The following ATMIN variants were observed in gnomAD, a reference collection of about 807,000 sequenced individuals.
The protein encoded by ATMIN is ATM interactor, also known as ATM INteracting protein.
Under a neutral mutation model 49.2 loss-of-function variants are expected in ATMIN, and 24 were observed. The observed-to-expected ratio is 0.49, with a 90% confidence interval of 0.35 to 0.69. The LOEUF is 0.69. Ranked by LOEUF, ATMIN falls within the 30% of genes least tolerant of loss-of-function variation. The pLI is 0.00. For missense variants in ATMIN, 1,037 were observed against 1,005.5 expected (o/e 1.03, Z -0.42); for synonymous variants, 450 against 392.5 (o/e 1.15, Z -1.73).
rs772980713 is a variant in ATMIN at position 81,044,912 on chromosome 16, A to C, written c.2414A>C (p.Gln805Pro). 8.7e-6 allele frequency: 14 copies of C among 1,614,124 alleles called. No homozygotes were observed. The highest frequency in any genetic ancestry group is 1.2e-5 in the Non-Finnish European group (14 of 1,179,962). ...CTGGCCTGGAACACGATGGAGTCTC[A>C]GTTCAGCTCTGTAGAAACCCAGACT... is the stretch of plus-strand genomic sequence containing the variant. The part of the protein sequence containing the change: ...ADLAWNTMES[Q>P]FSSVETQTSA... The change falls in exon 4 of 4, where the codon CAG becomes CCG. Residue 805 changes from glutamine (Q) to proline (P), a missense_variant. Physicochemically the swap from Gln to Pro is moderately conservative, Grantham distance 76. Coordinates refer to ENST00000299575, the MANE Select transcript of ATMIN (RefSeq NM_015251.3).
intron 1 of ATMIN, among the ~76,000 whole-genome samples, chr16:81,036,824 C>T (rs1970945219): frequency 6.6e-6 from 1 of 152,146 alleles, no homozygotes; most frequent in Admixed American, 6.5e-5. Context: ...CCATGCTGCA[C>T]ACCGCACCCC....
intron 3 of ATMIN, 92 bp downstream of exon 3, chr16:81,042,572 A>G (rs2151739987): frequency 7.6e-7 from 1 of 1,319,404 alleles, no homozygotes; most frequent in Admixed American, 2.3e-5. Context: ...TGGGGAGGAA[A>G]AAGGAATCTT....
At chr16:81,039,253 C>T (rs1022150666) in intron 1 of ATMIN, among the ~76,000 whole-genome samples, 3 of 152,142 alleles carry the variant, frequency 2.0e-5, no homozygotes, top group South Asian at 4.1e-4. Context: ...ATCTTATTGG[C>T]AGGTTTTCTT....
intron 2 of ATMIN, 102 bp from the exon 3 acceptor site, chr16:81,042,179 A>G: frequency 3.0e-6 from 3 of 997,646 alleles, no homozygotes; most frequent in Non-Finnish European, 4.6e-6. Context: ...TGTTATTTAT[A>G]TTAATAGTGT....
At chr16:81,036,239 C>T in intron 1 of ATMIN, 33 bp downstream of exon 1, 1 of 1,337,948 alleles carries the variant, frequency 7.5e-7, no homozygotes, top group Non-Finnish European at 9.7e-7. Flanking sequence ...CCCGGGGGGC[C>T]GGGCCTGGCT....
In ATMIN at chr16:81,042,418, C is replaced by T; in HGVS notation, c.600C>T (p.Ala200=). 2 of 1,614,138 alleles carry T rather than the reference C, an allele frequency of 1.2e-6. No individual in the cohort carries two copies. Among genetic ancestry groups the T allele is most frequent in the Non-Finnish European group, 1.7e-6 (2 of 1,180,028 alleles). Residue 200 remains alanine (A), a synonymous_variant, in exon 3 of 4, where the codon GCC becomes GCT. Coordinates refer to ENST00000299575, the MANE Select transcript of ATMIN (RefSeq NM_015251.3). The stretch of plus-strand genomic sequence containing the variant: ...GGTGCACATGCGGCTGTCCCTACGC[C>T]AGTAGAACAGCACTGCAGTCTCACA... The part of the protein sequence containing the change: ...TFRCTCGCPY[A]SRTALQSHIY...
intron 3 of ATMIN, among the ~76,000 whole-genome samples, chr16:81,042,955 T>G (rs1458371687): frequency 6.6e-6 from 1 of 152,170 alleles, no homozygotes; most frequent in Non-Finnish European, 1.5e-5. Context: ...GTATGTTTCC[T>G]CCTTCTCTGT....
At chr16:81,037,484 A>C in intron 1 of ATMIN, 2 of 985,480 alleles carry the variant, frequency 2.0e-6, no homozygotes, top group Non-Finnish European at 1.2e-6. Flanking sequence ...AGGTATGCTG[A>C]GGAAGACCGT....
In ATMIN at chr16:81,044,489, T is replaced by A; in HGVS notation, c.1991T>A (p.Val664Asp). Residue 664 changes from valine (V) to aspartate (D), a missense_variant, in exon 4 of 4, where the codon GTC becomes GAC. By Grantham distance (152) the Val-to-Asp change is radical. Transcript: ENST00000299575. ...CTTAGCACCATGACCACCGAGCCAG[T>A]CTTGGAGTCACTGGACATAGAGACT... ...SELSTMTTEP[V>D]LESLDIETQT... is the part of the protein sequence containing the mutation. 5 of 1,613,714 alleles carry A rather than the reference T, an allele frequency of 3.1e-6. No homozygotes were observed. Among genetic ancestry groups the A allele is most frequent in the Non-Finnish European group, 4.2e-6 (5 of 1,179,932 alleles).
Position 81,036,135 on chromosome 16 carries a change from CGCGGCT to C in ATMIN, c.271_276del (p.Cys91_Gly92del). On this transcript the variant is annotated inframe_deletion, in exon 1 of 4. Coordinates refer to ENST00000299575, the MANE Select transcript of ATMIN (RefSeq NM_015251.3). ...GCGGACCAACATCCTGTGCACCGTG[CGCGGCT>C]GCGGCAAGATCCTGCCCAACAGCCC... 6.8e-7 allele frequency: 1 copy of C among 1,463,378 alleles called. No individual in the cohort carries two copies. Among genetic ancestry groups the C allele is most frequent in the Non-Finnish European group, 9.1e-7 (1 of 1,100,012 alleles). 90.6% of individuals were successfully genotyped at this position (1,463,378 alleles called of 1,614,324 possible).
intron 1 of ATMIN, 69 bp from the exon 2 acceptor site, chr16:81,041,287 T>A: frequency 6.6e-7 from 1 of 1,506,480 alleles, no homozygotes. Flanking sequence ...TTTCAGTCAT[T>A]CCGTTTCCAC....
chr16:81,047,274 T>C lies in ATMIN; in HGVS notation c.*2304T>C, dbSNP rs1971137749. 6.6e-6 allele frequency: 1 copy of C among 152,252 alleles called. No individual in the cohort carries two copies. The highest frequency in any genetic ancestry group is 6.5e-5 in the Admixed American group (1 of 15,286). 9.4% of individuals were successfully genotyped at this position (152,252 alleles called of 1,614,324 possible). The stretch of plus-strand genomic sequence containing the variant: ...GAATTCTTGAACGTACTCATAAATA[T>C]GACTTATTGTATTGCCTTAAGTTTT... On this transcript the variant is annotated 3_prime_UTR_variant, in exon 4 of 4. Coordinates refer to ENST00000299575, the MANE Select transcript of ATMIN (RefSeq NM_015251.3).
chr16:81,037,092 A>G (rs2602431), intron 1 of ATMIN: 655,632 of 778,564 alleles, frequency 0.84, 280,940 homozygotes, highest in South Asian at 0.88. Context: ...CATCTGTGAC[A>G]AGCTTATTAA....
intron 1 of ATMIN, among the ~76,000 whole-genome samples, chr16:81,038,252 T>C (rs972517407): frequency 6.6e-5 from 10 of 152,082 alleles, no homozygotes; most frequent in Non-Finnish European, 1.2e-4. Context: ...TGCCTCAGCC[T>C]CCCTAGTAGC....
chr16:81,038,948 A>G (rs2151737921), intron 1 of ATMIN, among the ~76,000 whole-genome samples: 1 of 152,180 alleles, frequency 6.6e-6, no homozygotes, highest in Middle Eastern at 3.4e-3. Context: ...GGCATGCTCC[A>G]CCACGCCCGA....
chr16:81,036,270 G>T (rs923082489), intron 1 of ATMIN, 64 bp downstream of exon 1: 2 of 1,166,128 alleles, frequency 1.7e-6, no homozygotes, highest in African/African-American at 1.6e-5. Context: ...GCCCGGCGCC[G>T]GCGCGCGAAG....
chr16:81,036,700 C>G (rs1970942769), intron 1 of ATMIN, among the ~76,000 whole-genome samples: 2 of 152,120 alleles, frequency 1.3e-5, no homozygotes. Flanking sequence ...CTGTATGTGC[C>G]ACAATAACTA....
chr16:81,044,181 A>G lies in ATMIN; in HGVS notation c.1683A>G (p.Lys561=). The G allele has an allele frequency of 6.2e-7, 1 of 1,614,188 alleles. No individual in the cohort carries two copies. Among genetic ancestry groups the G allele is most frequent in the Non-Finnish European group, 8.5e-7 (1 of 1,179,988 alleles). ...AGACTTTAAATCAAGATATTGAGAAATCTGCACCAATTATAAATTTCAGTG... is the reference window on the plus strand; with the variant it reads ...AGACTTTAAATCAAGATATTGAGAAGTCTGCACCAATTATAAATTTCAGTG... ...EPKTLNQDIE[K]SAPIINFSAQ... The change falls in exon 4 of 4, where the codon AAA becomes AAG. Residue 561 remains lysine (K), a synonymous_variant. Coordinates refer to ENST00000299575, the MANE Select transcript of ATMIN (RefSeq NM_015251.3).
Position 81,046,035 on chromosome 16 carries a change from C to CA in ATMIN, c.*1065_*1066insA, listed in dbSNP as rs1971113458. The CA allele has an allele frequency of 6.6e-6, 1 of 151,244 alleles. No homozygotes were observed. The highest frequency in any genetic ancestry group is 2.4e-5 in the African/African-American group (1 of 41,158). The allele number at this position is 151,244 out of a possible 1,614,324, so 9.4% of individuals were successfully genotyped here. A position where few individuals can be genotyped will look rare whatever the true frequency, so the allele number is the denominator to read the frequency against. On this transcript the variant is annotated 3_prime_UTR_variant, in exon 4 of 4. Coordinates refer to ENST00000299575, the MANE Select transcript of ATMIN (RefSeq NM_015251.3). Reference sequence around the variant, plus strand: ...TAGTGTAGTGTTCCTGCTAAATGAGCGTAGGTTATCCAAACCTTGGGAACA... The same window carrying CA: ...TAGTGTAGTGTTCCTGCTAAATGAGCAGTAGGTTATCCAAACCTTGGGAACA...
Sources: gnomAD v4.1 joint callset for allele counts (sites outside exome capture counted in the v4.1 genomes callset) on GRCh38, gnomAD v4.1.1 for gene constraint, MANE v1.5 for transcripts, NCBI Gene and HGNC (gene_info 2026-07-23, HGNC 2026-07-21) for gene names.